ACTR3C: variants seen among roughly 807,000 people sequenced by gnomAD.
ACTR3C encodes actin-related protein 3C.
A neutral mutation model predicts 26.3 loss-of-function variants in ACTR3C; 18 were observed. The ratio of observed to expected loss-of-function variants is 0.68; its 90% CI spans 0.47 to 1.01. ACTR3C has a LOEUF of 1.01. Ranked by LOEUF, ACTR3C falls within the 50% of genes least tolerant of loss-of-function variation. The probability of loss-of-function intolerance (pLI) is 0.00; values close to 1 mark genes in which losing one functional copy is unlikely to be tolerated. For missense variants in ACTR3C, 184 were observed against 250.7 expected, an observed-to-expected ratio of 0.73 and a Z score of 1.80; for synonymous variants, 55 against 94.5, an observed-to-expected ratio of 0.58 and a Z score of 2.42.
chr7:150,099,660 C>A, the ACTR3C span, among the ~76,000 whole-genome samples: 1 of 151,696 alleles, frequency 6.6e-6, no homozygotes, highest in African/African-American at 2.4e-5. Context: ...AAATCAGTGT[C>A]CAAGAAGGAA....
the ACTR3C span, among the ~76,000 whole-genome samples, chr7:150,068,543 C>G: frequency 4.4e-4 from 66 of 151,616 alleles, no homozygotes; most frequent in African/African-American, 1.4e-3. Context: ...GGGAGGCTGA[C>G]GCGGGAGGAT....
chr7:150,070,542 T>C, the ACTR3C span, among the ~76,000 whole-genome samples: 1 of 152,098 alleles, frequency 6.6e-6, no homozygotes, highest in African/African-American at 2.4e-5. Flanking sequence ...CCTTAACCTC[T>C]TGAGCTGGAG....
At chr7:150,304,616 C>A (rs1795669979) in intron 1 of ACTR3C, among the ~76,000 whole-genome samples, 1 of 151,780 alleles carries the variant, frequency 6.6e-6, no homozygotes, top group Admixed American at 6.6e-5. Flanking sequence ...TTCCTCCTCC[C>A]TCCCTCCCTC....
At chr7:150,133,488 G>A in the ACTR3C span, among the ~76,000 whole-genome samples, 1 of 152,182 alleles carries the variant, frequency 6.6e-6, no homozygotes, top group African/African-American at 2.4e-5. Flanking sequence ...ATCTCCTTCA[G>A]AGAAACTGAG....
At chr7:149,955,033 C>G in the ACTR3C span, among the ~76,000 whole-genome samples, 2 of 152,218 alleles carry the variant, frequency 1.3e-5, no homozygotes, top group Non-Finnish European at 2.9e-5. Flanking sequence ...TCTCTGGTTC[C>G]TCAGTGATCT....
At chr7:150,317,589 A>T (rs758985353) in intron 1 of ACTR3C, among the ~76,000 whole-genome samples, 1 of 152,214 alleles carries the variant, frequency 6.6e-6, no homozygotes, top group Non-Finnish European at 1.5e-5. Context: ...GGTGTTGACT[A>T]AACCACCAGA....
the ACTR3C span, among the ~76,000 whole-genome samples, chr7:150,149,079 G>GTATATATATATATA: frequency 2.1e-5 from 2 of 93,176 alleles, no homozygotes; most frequent in African/African-American, 3.9e-5. Context: ...TAAAGTTTGA[G>GTATATATATATATA]TATATATATA....
At chr7:149,985,429 A>C in the ACTR3C span, among the ~76,000 whole-genome samples, 1 of 152,252 alleles carries the variant, frequency 6.6e-6, no homozygotes, top group Non-Finnish European at 1.5e-5. Flanking sequence ...ACTGTTTACT[A>C]TCTGCCATGC....
At chr7:150,306,153 T>C (rs1438934333) in intron 1 of ACTR3C, among the ~76,000 whole-genome samples, 9 of 152,346 alleles carry the variant, frequency 5.9e-5, no homozygotes, top group Admixed American at 2.0e-4. Context: ...CAGGTACCCA[T>C]TTTTAGCAAA....
the ACTR3C span, among the ~76,000 whole-genome samples, chr7:150,018,087 C>T: frequency 0.059 from 8,871 of 150,252 alleles, 1,470 homozygotes; most frequent in African/African-American, 0.21. Flanking sequence ...GGAGTGGAAA[C>T]GGAGTCGTGT....
chr7:150,283,522 A>G (rs1835514488), intron 6 of ACTR3C, among the ~76,000 whole-genome samples: 1 of 150,460 alleles, frequency 6.6e-6, no homozygotes, highest in Admixed American at 6.6e-5. Flanking sequence ...AAAGTTATCC[A>G]TCATTCCACC....
At chr7:150,322,004 C>T (rs1797565726) in intron 1 of ACTR3C, among the ~76,000 whole-genome samples, 1 of 152,220 alleles carries the variant, frequency 6.6e-6, no homozygotes, top group African/African-American at 2.4e-5. Flanking sequence ...GCCAGGGAGA[C>T]AAAAGTTGTT....
the ACTR3C span, among the ~76,000 whole-genome samples, chr7:150,041,915 G>A: frequency 0.011 from 1,671 of 150,972 alleles, 10 homozygotes; most frequent in African/African-American, 0.039. Flanking sequence ...AGAGCCAGGG[G>A]GGGAAGAGGG....
At chr7:150,015,977 G>A in the ACTR3C span, among the ~76,000 whole-genome samples, 1 of 150,774 alleles carries the variant, frequency 6.6e-6, no homozygotes, top group Admixed American at 6.6e-5. Flanking sequence ...CCACCCTGGA[G>A]GCCTCAGAGT....
the ACTR3C span, chr7:150,004,319 C>T: frequency 1.3e-5 from 2 of 151,866 alleles, no homozygotes; most frequent in Non-Finnish European, 1.5e-5. Context: ...TGCCCATGTA[C>T]TAAAGTTGGA....
the ACTR3C span, among the ~76,000 whole-genome samples, chr7:149,907,483 T>TCTC: frequency 2.3e-5 from 1 of 43,854 alleles, no homozygotes; most frequent in African/African-American, 6.8e-5. Context: ...TTCTCTTCTC[T>TCTC]CTCTCTCTCT....
chr7:150,157,768 G>T, the ACTR3C span, among the ~76,000 whole-genome samples: 1 of 152,190 alleles, frequency 6.6e-6, no homozygotes, highest in Non-Finnish European at 1.5e-5. Flanking sequence ...ACTATGAACT[G>T]CTTGAGGGAA....
chr7:150,036,736 G>C, the ACTR3C span, among the ~76,000 whole-genome samples: 11 of 138,056 alleles, frequency 8.0e-5, 3 homozygotes, highest in East Asian at 2.0e-4. Context: ...CGGACCCGTC[G>C]GATCGTAAAT....
At chr7:149,979,631 T>A in the ACTR3C span, among the ~76,000 whole-genome samples, 1 of 152,096 alleles carries the variant, frequency 6.6e-6, no homozygotes, top group Non-Finnish European at 1.5e-5. Flanking sequence ...AACCATCCTT[T>A]AAAACTTGTA....
Sources: allele counts gnomAD v4.1 joint callset (sites outside exome capture counted in the v4.1 genomes callset), GRCh38; gene constraint gnomAD v4.1.1; transcripts MANE v1.5; gene names NCBI Gene and HGNC (gene_info 2026-07-23, HGNC 2026-07-21).